BEND7: variants seen among roughly 807,000 people sequenced by gnomAD.
BEND7 encodes BEN domain-containing protein 7.
In BEND7, 28 loss-of-function variants were observed where a neutral mutation model predicts 50.9. The observed-to-expected ratio is 0.55, with a 90% CI of 0.41 to 0.75. The LOEUF (loss-of-function observed/expected upper bound fraction) is 0.75, where lower values mean the gene tolerates loss of function less well. BEND7 is among the 30% of genes least tolerant of loss of function. The pLI is 0.00. For missense variants in BEND7, 477 were observed against 491.3 expected, an observed-to-expected ratio of 0.97 and a Z score of 0.28; for synonymous variants, 170 against 183.9, an observed-to-expected ratio of 0.92 and a Z score of 0.61.
At chr10:13,504,038 C>T (rs945407885) in intron 2 of BEND7, among the ~76,000 whole-genome samples, 1 of 152,168 alleles carries the variant, frequency 6.6e-6, no homozygotes, top group South Asian at 2.1e-4. Flanking sequence ...CTTTGGCAGA[C>T]AGGAAGAAAG....
intron 7 of BEND7, among the ~76,000 whole-genome samples, chr10:13,449,735 G>T (rs1837284873): frequency 1.3e-5 from 2 of 151,944 alleles, no homozygotes; most frequent in Admixed American, 1.3e-4. Context: ...TGAAAAAACA[G>T]GCCTATGCAA....
At chr10:13,447,073 C>T (rs1836500355) in intron 8 of BEND7, 193 bp downstream of exon 8, 2 of 619,588 alleles carry the variant, frequency 3.2e-6, no homozygotes, top group Admixed American at 3.2e-5. Flanking sequence ...GTGAGAAAAA[C>T]GTTTTTCTAT....
intron 7 of BEND7, among the ~76,000 whole-genome samples, chr10:13,450,260 C>T (rs943771730): frequency 1.3e-4 from 20 of 152,204 alleles, no homozygotes; most frequent in African/African-American, 4.6e-4. Flanking sequence ...GAATCTCTAC[C>T]TCATTCCAGG....
intron 2 of BEND7, among the ~76,000 whole-genome samples, chr10:13,521,896 G>C (rs1274229267): frequency 6.6e-6 from 1 of 152,208 alleles, no homozygotes; most frequent in Non-Finnish European, 1.5e-5. Flanking sequence ...TAAAAGTGCA[G>C]AGGAATTGTT....
At chr10:13,515,865 T>C (rs2078631318) in intron 2 of BEND7, among the ~76,000 whole-genome samples, 1 of 152,188 alleles carries the variant, frequency 6.6e-6, no homozygotes, top group Non-Finnish European at 1.5e-5. Context: ...GTAGCTTACA[T>C]TCATAGAGAG....
At chr10:13,494,084 T>G (rs1314731424) in intron 4 of BEND7, among the ~76,000 whole-genome samples, 2 of 152,322 alleles carry the variant, frequency 1.3e-5, no homozygotes, top group African/African-American at 4.8e-5. Flanking sequence ...TCAATGGTTC[T>G]CAACCTTGGT....
chr10:13,448,747 G>A (rs377608089), intron 7 of BEND7, among the ~76,000 whole-genome samples: 3 of 152,120 alleles, frequency 2.0e-5, no homozygotes, highest in East Asian at 1.9e-4. Context: ...AGGCCGAGGC[G>A]GGTGGATCAC....
At chr10:13,476,375 G>A (rs929275403) in intron 6 of BEND7, among the ~76,000 whole-genome samples, 1 of 152,180 alleles carries the variant, frequency 6.6e-6, no homozygotes. Context: ...TGGCCTCTCA[G>A]GAGAGCGGCA....
intron 7 of BEND7, among the ~76,000 whole-genome samples, chr10:13,449,327 G>A (rs1837172434): frequency 6.6e-6 from 1 of 152,140 alleles, no homozygotes; most frequent in South Asian, 2.1e-4. Context: ...TAATAACAAT[G>A]ATAATCACCA....
intron 6 of BEND7, among the ~76,000 whole-genome samples, chr10:13,467,896 G>A (rs1196308223): frequency 6.6e-6 from 1 of 152,056 alleles, no homozygotes; most frequent in Non-Finnish European, 1.5e-5. Flanking sequence ...TGGATCATTA[G>A]TTATGTGAGT....
intron 3 of BEND7, among the ~76,000 whole-genome samples, chr10:13,499,393 GAT>G (rs2077273791): frequency 6.6e-6 from 1 of 151,966 alleles, no homozygotes; most frequent in South Asian, 2.1e-4. Flanking sequence ...TAACCAAGAG[GAT>G]ATGTTAGTAA....
intron 2 of BEND7, among the ~76,000 whole-genome samples, chr10:13,525,061 A>G (rs1188626512): frequency 6.6e-6 from 1 of 152,108 alleles, no homozygotes; most frequent in East Asian, 1.9e-4. Context: ...GTCCCCCTTG[A>G]TGGGGTAATT....
intron 6 of BEND7, among the ~76,000 whole-genome samples, chr10:13,470,677 G>C (rs959673230): frequency 5.9e-5 from 9 of 152,228 alleles, no homozygotes; most frequent in Non-Finnish European, 1.3e-4. Flanking sequence ...GGCCGGTGAT[G>C]AAGCGGTGGT....
At chr10:13,448,301 C>T (rs1267915552) in intron 7 of BEND7, among the ~76,000 whole-genome samples, 1 of 152,044 alleles carries the variant, frequency 6.6e-6, no homozygotes, top group African/African-American at 2.4e-5. Context: ...GGGAAAACAT[C>T]ACATTATGGC....
At chr10:13,463,432 T>G (rs947838174) in intron 6 of BEND7, among the ~76,000 whole-genome samples, 2 of 152,032 alleles carry the variant, frequency 1.3e-5, no homozygotes, top group African/African-American at 4.8e-5. Context: ...AAGACGAAGG[T>G]AGATAAAAGA....
chr10:13,452,454 A>G, intron 7 of BEND7, 85 bp downstream of exon 7: 1 of 1,378,856 alleles, frequency 7.3e-7, no homozygotes, highest in East Asian at 2.4e-5. Context: ...AGATGCTGAA[A>G]TAACCTAGAG....
chr10:13,514,543 G>C (rs899650036), intron 2 of BEND7, among the ~76,000 whole-genome samples: 19 of 152,054 alleles, frequency 1.2e-4, no homozygotes, highest in Non-Finnish European at 1.9e-4. Flanking sequence ...TCGACAAATG[G>C]GAAGACAAAG....
Position 13,528,673 on chromosome 10 carries a change from A to T in BEND7, c.-140T>A, listed in dbSNP as rs10906401. The T allele has an allele frequency of 1.3e-5, 4 of 314,838 alleles. No homozygotes were observed. Among genetic ancestry groups the T allele is most frequent in the East Asian group, 1.8e-4 (1 of 5,634 alleles). 19.5% of individuals were successfully genotyped at this position (314,838 alleles called of 1,614,324 possible). On this transcript the variant is annotated 5_prime_UTR_variant, in exon 1 of 9. Transcript: ENST00000466271. Reference sequence around the variant, plus strand: ...CCAAGGTCCGCGCCTGGAGTCGGCGAGGGGAGGCCGCGGGACGGGAGGAAC... The same window carrying T: ...CCAAGGTCCGCGCCTGGAGTCGGCGTGGGGAGGCCGCGGGACGGGAGGAAC...
chr10:13,508,155 A>T (rs964180230), intron 2 of BEND7, among the ~76,000 whole-genome samples: 2 of 152,034 alleles, frequency 1.3e-5, no homozygotes, highest in Admixed American at 6.6e-5. Context: ...TGAGGCTGGC[A>T]CCTCTTTCCA....
Sources: gnomAD v4.1 joint callset for allele counts (sites outside exome capture counted in the v4.1 genomes callset) on GRCh38, gnomAD v4.1.1 for gene constraint, MANE v1.5 for transcripts, NCBI Gene and HGNC (gene_info 2026-07-23, HGNC 2026-07-21) for gene names.